ABL1: variants seen among roughly 807,000 people sequenced by gnomAD.
ABL1 encodes the protein tyrosine-protein kinase ABL1.
Under a neutral mutation model 94.7 loss-of-function variants are expected in ABL1, and 11 were observed. The observed-to-expected ratio is 0.12, with a 90% confidence interval of 0.07 to 0.19. ABL1 has a LOEUF of 0.19. ABL1 is among the 10% of genes least tolerant of loss of function. The pLI, the probability that ABL1 is intolerant of heterozygous loss-of-function variation, is 1.00. For synonymous variants in ABL1, 656 were observed against 622.4 expected, an observed-to-expected ratio of 1.05 and a Z score of -0.80; for missense variants, 1,082 against 1,489.4, an observed-to-expected ratio of 0.73 and a Z score of 4.50.
chr9:130,821,840 A>AT (rs71389365), intron 1 of ABL1, among the ~76,000 whole-genome samples: 1 of 109,966 alleles, frequency 9.1e-6, no homozygotes, highest in African/African-American at 3.3e-5. Flanking sequence ...TATTATTATT[A>AT]TTTTTTTTTT....
chr9:130,778,278 T>C (rs1829696556), intron 1 of ABL1, among the ~76,000 whole-genome samples: 1 of 145,950 alleles, frequency 6.9e-6, no homozygotes. Flanking sequence ...TCGAGGAACC[T>C]CTCAGGGCTT....
chr9:130,838,628 T>C (rs1830623823), intron 1 of ABL1, among the ~76,000 whole-genome samples: 1 of 152,232 alleles, frequency 6.6e-6, no homozygotes, highest in Admixed American at 6.5e-5. Context: ...TATGCATGTT[T>C]ATAGCAGTAT....
intron 1 of ABL1, among the ~76,000 whole-genome samples, chr9:130,739,837 C>T (rs1202992378): frequency 6.6e-6 from 1 of 152,090 alleles, no homozygotes; most frequent in Non-Finnish European, 1.5e-5. Context: ...TACTTGAGCT[C>T]AGGAGTTTGA....
intron 7 of ABL1, among the ~76,000 whole-genome samples, chr9:130,876,411 C>CTTTTTTTTTTTTTTTTTTTTT (rs60634610): frequency 7.0e-6 from 1 of 142,496 alleles, no homozygotes; most frequent in African/African-American, 2.6e-5. Flanking sequence ...ATTACTTTTT[C>CTTTTTTTTTTTTTTTTTTTTT]TTTTTTTTTT....
intron 1 of ABL1, among the ~76,000 whole-genome samples, chr9:130,821,840 ATTTTTT>A (rs71389365): frequency 9.1e-6 from 1 of 109,966 alleles, no homozygotes. Context: ...TATTATTATT[ATTTTTT>A]TTTTTTTTTT....
intron 1 of ABL1, among the ~76,000 whole-genome samples, chr9:130,727,574 A>G (rs775090106): frequency 1.1e-4 from 17 of 152,160 alleles, no homozygotes; most frequent in Non-Finnish European, 2.1e-4. Flanking sequence ...CAGCCTGGCC[A>G]AGATGGTGAA....
intron 1 of ABL1, among the ~76,000 whole-genome samples, chr9:130,762,159 A>AAAT (rs56380781): frequency 4.8e-4 from 73 of 151,378 alleles, no homozygotes; most frequent in Middle Eastern, 3.4e-3. Flanking sequence ...AAAAAAAAAA[A>AAAT]TTCACAAGTA....
At chr9:130,737,497 G>T (rs1005866346) in intron 1 of ABL1, among the ~76,000 whole-genome samples, 3 of 152,034 alleles carry the variant, frequency 2.0e-5, no homozygotes, top group South Asian at 2.1e-4. Flanking sequence ...TCGAACTCCT[G>T]ACCTCAGATG....
At position 130,714,395 on chromosome 9, in the gene ABL1, G is replaced by T. The variant is rs761131893; in HGVS notation, c.76G>T (p.Ala26Ser). 8 of 1,613,960 alleles carry T rather than the reference G, an allele frequency of 5.0e-6. No individual in the cohort carries two copies. In the Admixed American group the frequency reaches 5.0e-5, roughly 10 times the overall value. ...GCCTGCCCTGCATTTTATCAAAGGA[G>T]CAGGGAAGAAGGAATCATCGAGGCA... The change falls in exon 1 of 11, where the codon GCA (alanine) becomes TCA (serine). Residue 26 changes from alanine to serine, a missense_variant. By Grantham distance (99) the Ala-to-Ser change is moderately conservative. Coordinates refer to the ABL1 transcript ENST00000372348.
intron 1 of ABL1, among the ~76,000 whole-genome samples, chr9:130,780,292 A>T (rs1039145076): frequency 3.3e-5 from 5 of 152,222 alleles, no homozygotes; most frequent in Non-Finnish European, 7.3e-5. Flanking sequence ...GTCTCAAAAA[A>T]GAAATTGAAC....
At chr9:130,845,921 T>A (rs1159770132) in intron 1 of ABL1, among the ~76,000 whole-genome samples, 1 of 151,882 alleles carries the variant, frequency 6.6e-6, no homozygotes, top group Non-Finnish European at 1.5e-5. Flanking sequence ...TGCTGTTGAG[T>A]CTGTAAGTTT....
chr9:130,869,349 G>C (rs933613076), intron 4 of ABL1, among the ~76,000 whole-genome samples: 2 of 152,234 alleles, frequency 1.3e-5, no homozygotes. Context: ...CTGAGTGAGT[G>C]CTGGCCTCAT....
In ABL1 at chr9:130,884,371, C is replaced by T; in HGVS notation, c.2081C>T (p.Thr694Ile). 1 of 1,611,922 alleles carries T rather than the reference C, an allele frequency of 6.2e-7. No homozygotes were observed. Reference sequence around the variant, plus strand: ...CTGTGGAAGAAGTCCAGCACGCTGACCAGCAGCCGCCTAGCCACCGGCGAG... The same window carrying T: ...CTGTGGAAGAAGTCCAGCACGCTGATCAGCAGCCGCCTAGCCACCGGCGAG... Reference protein sequence around the residue: ...PHLWKKSSTLTSSRLATGEEE... With the variant: ...PHLWKKSSTLISSRLATGEEE... Residue 694 changes from threonine (T) to isoleucine (I), a missense_variant, in exon 11 of 11, where the codon ACC becomes ATC. Physicochemically the swap from Thr to Ile is moderately conservative, Grantham distance 89. Coordinates refer to ENST00000318560, the MANE Select transcript of ABL1 (RefSeq NM_005157.6). This position sits in a 1 kb window ranked among gnomAD's most constrained non-coding sequence, Gnocchi z 5.6.
intron 1 of ABL1, among the ~76,000 whole-genome samples, chr9:130,798,408 C>T (rs529072690): frequency 1.3e-5 from 2 of 152,142 alleles, no homozygotes; most frequent in Admixed American, 6.5e-5. Context: ...TATTAAGTAT[C>T]GCTTGCAGTG....
At chr9:130,844,920 G>A (rs1158936535) in intron 1 of ABL1, among the ~76,000 whole-genome samples, 1 of 152,210 alleles carries the variant, frequency 6.6e-6, no homozygotes, top group East Asian at 1.9e-4. Flanking sequence ...TTTAGTAAGA[G>A]GTTAGTGAAA....
At chr9:130,800,244 TA>T (rs138511687) in intron 1 of ABL1, among the ~76,000 whole-genome samples, 2,222 of 152,174 alleles carry the variant, frequency 0.015, 41 homozygotes, top group African/African-American at 0.051. Flanking sequence ...AAAGTACTTT[TA>T]AAAAAATTAA....
At chr9:130,836,231 C>G (rs1830581371) in intron 1 of ABL1, among the ~76,000 whole-genome samples, 1 of 152,164 alleles carries the variant, frequency 6.6e-6, no homozygotes, top group Non-Finnish European at 1.5e-5. Context: ...TGTTCGTTTC[C>G]TTAAGTGAAG....
chr9:130,745,498 A>G (rs1831877391), intron 1 of ABL1, among the ~76,000 whole-genome samples: 1 of 151,788 alleles, frequency 6.6e-6, no homozygotes, highest in African/African-American at 2.4e-5. Flanking sequence ...CAAACCAACA[A>G]TAGCAAAACT....
chr9:130,747,779 C>T (rs978100157), intron 1 of ABL1, among the ~76,000 whole-genome samples: 1 of 152,108 alleles, frequency 6.6e-6, no homozygotes, highest in Non-Finnish European at 1.5e-5. Context: ...GAGGATAATG[C>T]CCCCATCTCA....
Sources: allele counts gnomAD v4.1 joint callset (sites outside exome capture counted in the v4.1 genomes callset), GRCh38; gene constraint gnomAD v4.1.1; non-coding constraint Gnocchi (gnomAD v3.1); transcripts MANE v1.5; gene names NCBI Gene and HGNC (gene_info 2026-07-23, HGNC 2026-07-21).